Variants in DOK6 observed in about 807,000 individuals in gnomAD.
The protein encoded by DOK6 is downstream of tyrosine kinase 6.
DOK6 carries 22 observed loss-of-function variants against 44.0 expected under a neutral mutation model. The ratio of observed to expected loss-of-function variants is 0.50; its 90% CI spans 0.36 to 0.71. The LOEUF (loss-of-function observed/expected upper bound fraction) is 0.71. Ranked by LOEUF, DOK6 falls within the 30% of genes least tolerant of loss-of-function variation. The pLI, the probability that DOK6 is intolerant of heterozygous loss-of-function variation, is 0.00. For missense variants in DOK6, 340 were observed against 416.4 expected, an observed-to-expected ratio of 0.82 and a Z score of 1.60; for synonymous variants, 166 against 145.5, an observed-to-expected ratio of 1.14 and a Z score of -1.01.
intron 5 of DOK6, among the ~76,000 whole-genome samples, chr18:69,722,293 T>C (rs1366572194): frequency 6.6e-6 from 1 of 152,204 alleles, no homozygotes; most frequent in Non-Finnish European, 1.5e-5. Flanking sequence ...TATTCTTATC[T>C]CCAAATGAGT....
intron 1 of DOK6, among the ~76,000 whole-genome samples, chr18:69,526,296 C>G (rs1243354873): frequency 1.3e-5 from 2 of 152,082 alleles, no homozygotes; most frequent in Non-Finnish European, 2.9e-5. Context: ...GTTTATTTGT[C>G]TATTACAGAC....
intron 1 of DOK6, among the ~76,000 whole-genome samples, chr18:69,423,602 A>C (rs1179716262): frequency 6.6e-6 from 1 of 152,236 alleles, no homozygotes; most frequent in Non-Finnish European, 1.5e-5. Flanking sequence ...TGTGGATAGA[A>C]GTAGAAATAC....
At chr18:69,639,344 T>C (rs1984885490) in intron 3 of DOK6, among the ~76,000 whole-genome samples, 1 of 152,180 alleles carries the variant, frequency 6.6e-6, no homozygotes, top group Non-Finnish European at 1.5e-5. Flanking sequence ...CTTCTGCAGC[T>C]TGAAAAATCC....
chr18:69,767,547 GA>G (rs55907912), intron 7 of DOK6, among the ~76,000 whole-genome samples: 152,059 of 152,066 alleles, frequency 1, 76,026 homozygotes, highest in Middle Eastern at 1. Flanking sequence ...GTGCAGAGGA[GA>G]ATGCCCCCAC....
At chr18:69,586,109 C>A (rs1208683275) in intron 2 of DOK6, among the ~76,000 whole-genome samples, 1 of 152,150 alleles carries the variant, frequency 6.6e-6, no homozygotes, top group East Asian at 1.9e-4. Flanking sequence ...CAGGGAACTT[C>A]TTTATTAAAC....
At chr18:69,595,864 C>A (rs1417433053) in intron 2 of DOK6, among the ~76,000 whole-genome samples, 4 of 152,122 alleles carry the variant, frequency 2.6e-5, no homozygotes, top group African/African-American at 9.7e-5. Context: ...ATATACTATT[C>A]ATTCTGTTTC....
chr18:69,620,914 A>C (rs764250279), intron 3 of DOK6, among the ~76,000 whole-genome samples: 9 of 152,166 alleles, frequency 5.9e-5, no homozygotes, highest in Admixed American at 2.6e-4. Flanking sequence ...ATAACAAGTG[A>C]AATATTATTT....
intron 5 of DOK6, among the ~76,000 whole-genome samples, chr18:69,700,220 T>TATATATATATATATATATATATATATAC (rs1986486730): frequency 9.4e-6 from 1 of 105,968 alleles, no homozygotes; most frequent in African/African-American, 3.5e-5. Flanking sequence ...TATATACATA[T>TATATATATATATATATATATATATATAC]ATATATATAT....
At chr18:69,474,150 G>A (rs1184731051) in intron 1 of DOK6, among the ~76,000 whole-genome samples, 2 of 151,778 alleles carry the variant, frequency 1.3e-5, no homozygotes, top group Non-Finnish European at 2.9e-5. Flanking sequence ...TGTCCTTGGT[G>A]AGGGGGGGCC....
At chr18:69,797,237 C>T (rs1026766420) in intron 7 of DOK6, among the ~76,000 whole-genome samples, 4 of 152,102 alleles carry the variant, frequency 2.6e-5, no homozygotes, top group Non-Finnish European at 5.9e-5. Context: ...TCAGATATAA[C>T]TCGTCTAAGA....
chr18:69,591,091 A>T (rs558844521), intron 2 of DOK6, among the ~76,000 whole-genome samples: 2 of 152,318 alleles, frequency 1.3e-5, no homozygotes, highest in East Asian at 3.9e-4. Context: ...ATTTTTTACA[A>T]TCATGCAGTT....
At chr18:69,726,115 C>G (rs1978305695) in intron 5 of DOK6, among the ~76,000 whole-genome samples, 1 of 152,174 alleles carries the variant, frequency 6.6e-6, no homozygotes, top group Non-Finnish European at 1.5e-5. Context: ...AGAGGGTTGT[C>G]AAGAATATTC....
chr18:69,837,751 G>T (rs1982094092), intron 7 of DOK6, among the ~76,000 whole-genome samples: 1 of 152,176 alleles, frequency 6.6e-6, no homozygotes, highest in Non-Finnish European at 1.5e-5. Context: ...AGGCATGGAA[G>T]AACTCATGTC....
At chr18:69,464,483 A>G (rs1424193580) in intron 1 of DOK6, among the ~76,000 whole-genome samples, 4 of 152,106 alleles carry the variant, frequency 2.6e-5, no homozygotes, top group African/African-American at 9.7e-5. Context: ...ATTTAATTGG[A>G]CTTTATATTA....
intron 1 of DOK6, among the ~76,000 whole-genome samples, chr18:69,499,631 A>G (rs575815362): frequency 6.6e-6 from 1 of 152,230 alleles, no homozygotes; most frequent in Middle Eastern, 3.4e-3. Flanking sequence ...ATGGCTGACA[A>G]TTCTGACGTT....
At chr18:69,742,528 A>G (rs1392439873) in intron 6 of DOK6, among the ~76,000 whole-genome samples, 1 of 152,252 alleles carries the variant, frequency 6.6e-6, no homozygotes, top group Non-Finnish European at 1.5e-5. Flanking sequence ...TAAGATAATT[A>G]GAAGTGAATG....
At chr18:69,658,699 G>A (rs1985432809) in intron 3 of DOK6, among the ~76,000 whole-genome samples, 1 of 152,116 alleles carries the variant, frequency 6.6e-6, no homozygotes, top group Admixed American at 6.6e-5. Flanking sequence ...AAACGGAAAT[G>A]AGTCTTTTTC....
At chr18:69,811,325 G>A (rs1458448914) in intron 7 of DOK6, among the ~76,000 whole-genome samples, 5 of 151,858 alleles carry the variant, frequency 3.3e-5, no homozygotes, top group Non-Finnish European at 7.4e-5. Context: ...GGATTGGGGA[G>A]AGGTTGGTCA....
At chr18:69,800,989 T>A (rs1379271880) in intron 7 of DOK6, among the ~76,000 whole-genome samples, 1 of 152,166 alleles carries the variant, frequency 6.6e-6, no homozygotes, top group Non-Finnish European at 1.5e-5. Flanking sequence ...AAGGATAAAA[T>A]GAATTTTTTT....
Sources: allele counts gnomAD v4.1 joint callset (sites outside exome capture counted in the v4.1 genomes callset), GRCh38; gene constraint gnomAD v4.1.1; transcripts MANE v1.5; gene names NCBI Gene and HGNC (gene_info 2026-07-23, HGNC 2026-07-21).